The following LRRC8A variants were observed in gnomAD, a reference collection of about 807,000 sequenced individuals.
LRRC8A encodes the protein leucine rich repeat containing 8 VRAC subunit A, also known as volume-regulated anion channel subunit LRRC8A.
In LRRC8A, 24 loss-of-function variants were observed where a neutral mutation model predicts 52.5. The ratio of observed to expected loss-of-function variants is 0.46; its 90% CI spans 0.33 to 0.64. LRRC8A has a LOEUF of 0.64. Among genes scored for constraint, LRRC8A ranks in the 30% least tolerant of loss-of-function variants. The pLI is 0.02. For missense variants in LRRC8A, 677 were observed against 1,094.7 expected, an observed-to-expected ratio of 0.62 and a Z score of 5.38; for synonymous variants, 492 against 494.2, an observed-to-expected ratio of 1.00 and a Z score of 0.06.
rs553814958 is a variant in LRRC8A, at chr9:128,899,555, TA to T, written c.-8-7592del. Among the ~76,000 whole-genome samples the T allele has an allele frequency of 1.4e-3, 206 of 144,924 alleles. No individual in the cohort carries two copies. The highest frequency in any genetic ancestry group is 4.8e-3 in the African/African-American group (191 of 39,508). ...TTCCGTGGTTATAAAATGGACACCT[TA>T]AAAAAAAAAGCCTTAACAAAAGGAC... On this transcript the variant is annotated intron_variant, in intron 2 of 3. Transcript: ENST00000372600. The surrounding 1 kb of genome is among the most constrained non-coding windows in gnomAD (Gnocchi z 4.0).
At chr9:128,903,371 T>TG in intron 2 of LRRC8A, among the ~76,000 whole-genome samples, 1 of 151,654 alleles carries the variant, frequency 6.6e-6, no homozygotes, top group South Asian at 2.1e-4. Context: ...CTAGAAAGAT[T>TG]GGGGCTGGGG....
chr9:128,917,719 C>T lies in LRRC8A; in HGVS notation c.*1348C>T, dbSNP rs1402541173. 6.5e-6 allele frequency: 1 copy of T among 152,742 alleles called. No homozygotes were observed. Among genetic ancestry groups the T allele is most frequent in the Non-Finnish European group, 1.5e-5 (1 of 68,088 alleles). The allele number at this position is 152,742 out of a possible 1,614,324, so 9.5% of individuals were successfully genotyped here. On this transcript the variant is annotated 3_prime_UTR_variant, in exon 4 of 4. Coordinates refer to ENST00000372600, the MANE Select transcript of LRRC8A (RefSeq NM_019594.4). ...GTTGGTTCCAAGCCGGTTCCCGTCC[C>T]TGGCGCCTGGAGTGCACACAGCCCA... is the stretch of plus-strand genomic sequence containing the variant.
At chr9:128,893,670 T>C (rs1428824273) in intron 2 of LRRC8A, among the ~76,000 whole-genome samples, 1 of 152,060 alleles carries the variant, frequency 6.6e-6, no homozygotes, top group Non-Finnish European at 1.5e-5. Flanking sequence ...ATAAATTCTT[T>C]TATCATCCTG....
intron 1 of LRRC8A, chr9:128,882,762 G>A (rs994965372): frequency 5.0e-6 from 2 of 398,860 alleles, no homozygotes; most frequent in Non-Finnish European, 8.8e-6. Context: ...AGGATCCCCG[G>A]CTAGGCTCTT....
At position 128,882,403 on chromosome 9, in the gene LRRC8A, C is replaced by T. The variant is rs180935939; in HGVS notation, c.-116+153C>T. The T allele has an allele frequency of 3.4e-4, 95 of 280,094 alleles. 2 individuals are homozygous for T. The East Asian group carries it at 5.3e-3, about 16-fold the overall frequency. The allele number at this position is 280,094 out of a possible 1,614,324, so 17.4% of individuals were successfully genotyped here. A position where few individuals can be genotyped will look rare whatever the true frequency, so the allele number is the denominator to read the frequency against. ...CTGGGGACCTCCCGCGGTGTTCGGC[C>T]TACCTCTGGGCTCCCCAGTGCCCGG... On this transcript the variant is annotated intron_variant, in intron 1 of 3. Coordinates refer to ENST00000372600, the MANE Select transcript of LRRC8A (RefSeq NM_019594.4).
intron 2 of LRRC8A, among the ~76,000 whole-genome samples, chr9:128,897,923 T>C (rs1476851001): frequency 6.7e-6 from 1 of 149,260 alleles, no homozygotes; most frequent in Non-Finnish European, 1.5e-5. Flanking sequence ...CTCGCGACAT[T>C]GCACTCCAGC....
rs1840070892 is a variant in LRRC8A at position 128,902,625 on chromosome 9, C to T, written c.-8-4532C>T. On this transcript the variant is annotated intron_variant, in intron 2 of 3. Transcript: ENST00000372600. The surrounding 1 kb of genome is among the most constrained non-coding windows in gnomAD (Gnocchi z 4.1). Reference sequence around the variant, plus strand: ...GGCAGGCTGCTGCATGCACCGGGCTCCTCTCCTCCCTCTTCTGTTCCCCAG... The same window carrying T: ...GGCAGGCTGCTGCATGCACCGGGCTTCTCTCCTCCCTCTTCTGTTCCCCAG... 6.6e-6 allele frequency among the ~76,000 whole-genome samples: 1 copy of T among 152,210 alleles called. No homozygotes were observed. The highest frequency in any genetic ancestry group is 2.1e-4 in the South Asian group (1 of 4,820).
At chr9:128,896,545 A>G (rs1839831478) in intron 2 of LRRC8A, among the ~76,000 whole-genome samples, 1 of 152,162 alleles carries the variant, frequency 6.6e-6, no homozygotes, top group Non-Finnish European at 1.5e-5. Flanking sequence ...TTTAATTTAC[A>G]TTCCTTGATT....
intron 2 of LRRC8A, among the ~76,000 whole-genome samples, chr9:128,900,716 T>G (rs1220036931): frequency 3.9e-5 from 6 of 151,976 alleles, no homozygotes; most frequent in African/African-American, 1.2e-4. Context: ...AAAATAAAAA[T>G]AAAAATAAAA....
intron 2 of LRRC8A, among the ~76,000 whole-genome samples, chr9:128,894,191 T>C (rs1297919943): frequency 1.3e-5 from 2 of 151,848 alleles, no homozygotes; most frequent in Non-Finnish European, 2.9e-5. Flanking sequence ...ATCATTCTTG[T>C]TTTAAAAAAT....
In LRRC8A at chr9:128,908,038, G is replaced by T; in HGVS notation, c.874G>T (p.Asp292Tyr). ...CTACTACGTGCACAACATCAAGTTC[G>T]ACGTGGACTGCACCGTGGACATTGA... is the stretch of plus-strand genomic sequence containing the variant. ...TVYYVHNIKF[D>Y]VDCTVDIESL... Residue 292 changes from aspartate (D) to tyrosine (Y), a missense_variant, in exon 3 of 4, where the codon GAC becomes TAC. This residue lies in a region of LRRC8A where 422 missense variants were observed against 741.5 expected (regional missense o/e 0.57). Coordinates refer to ENST00000372600, the MANE Select transcript of LRRC8A (RefSeq NM_019594.4). The T allele has an allele frequency of 6.2e-7, 1 of 1,613,996 alleles. No individual in the cohort carries two copies. The highest frequency in any genetic ancestry group is 1.1e-5 in the South Asian group (1 of 91,070).
chr9:128,890,297 C>G (rs1421887449), intron 2 of LRRC8A, among the ~76,000 whole-genome samples: 1 of 152,072 alleles, frequency 6.6e-6, no homozygotes, highest in East Asian at 1.9e-4. Flanking sequence ...TTGCGTCTTG[C>G]GTCTTGCAGC....
At position 128,907,120 on chromosome 9, in the gene LRRC8A, A is replaced by G; in HGVS notation, c.-8-37A>G. Reference sequence around the variant, plus strand: ...CCCCTGGTCCTAGGAAAGCCAGGCCACCCTGTGCTAACCCCCCTCCTATGG... The same window carrying G: ...CCCCTGGTCCTAGGAAAGCCAGGCCGCCCTGTGCTAACCCCCCTCCTATGG... On this transcript the variant is annotated intron_variant, in intron 2 of 3. Transcript: ENST00000372600. This position sits in a 1 kb window ranked among gnomAD's most constrained non-coding sequence, Gnocchi z 9.3. The G allele has an allele frequency of 1.3e-6, 2 of 1,534,618 alleles. No homozygotes were observed. The highest frequency in any genetic ancestry group is 1.8e-6 in the Non-Finnish European group (2 of 1,124,348).
intron 3 of LRRC8A, among the ~76,000 whole-genome samples, chr9:128,913,462 G>A (rs949144412): frequency 7.9e-5 from 12 of 152,314 alleles, no homozygotes; most frequent in Admixed American, 2.0e-4. Context: ...GGCACGGGCC[G>A]GCGACAATCC....
chr9:128,887,195 GTTGC>G (rs1482657328), intron 2 of LRRC8A, among the ~76,000 whole-genome samples: 1 of 151,926 alleles, frequency 6.6e-6, no homozygotes, highest in Non-Finnish European at 1.5e-5. Flanking sequence ...GTCTCACTCT[GTTGC>G]CCAGGCTGGA....
At chr9:128,891,617 A>G (rs1307054280) in intron 2 of LRRC8A, among the ~76,000 whole-genome samples, 3 of 152,192 alleles carry the variant, frequency 2.0e-5, no homozygotes, top group Non-Finnish European at 4.4e-5. Context: ...CCCAGACCCA[A>G]CACTGCCTTC....
chr9:128,909,299 A>G lies in LRRC8A; in HGVS notation c.2135A>G (p.Asn712Ser). 6.2e-7 allele frequency: 1 copy of G among 1,613,368 alleles called. No individual in the cohort carries two copies. Among genetic ancestry groups the G allele is most frequent in the Non-Finnish European group, 8.5e-7 (1 of 1,179,968 alleles). The change falls in exon 3 of 4, where the codon AAC (asparagine) becomes AGC (serine). Residue 712 changes from asparagine (N) to serine (S), a missense_variant. By Grantham distance (46) the Asn-to-Ser change is conservative. Coordinates refer to ENST00000372600, the MANE Select transcript of LRRC8A (RefSeq NM_019594.4). ...ADIGLLQNLQNLAITANRIET... is the reference protein window; with the variant it reads ...ADIGLLQNLQSLAITANRIET... Reference sequence around the variant, plus strand: ...ATCGGCCTCCTGCAGAACCTCCAGAACCTAGCCATCACGGCCAACCGGGTG... The same window carrying G: ...ATCGGCCTCCTGCAGAACCTCCAGAGCCTAGCCATCACGGCCAACCGGGTG...
chr9:128,896,307 T>C (rs996345072), intron 2 of LRRC8A, among the ~76,000 whole-genome samples: 2 of 152,252 alleles, frequency 1.3e-5, no homozygotes, highest in African/African-American at 4.8e-5. Flanking sequence ...GAACAACGTA[T>C]CCTTTCTCCT....
rs1222984408 is a variant in LRRC8A at position 128,909,039 on chromosome 9, C to T, written c.1875C>T (p.Asn625=). Reference sequence around the variant, plus strand: ...AGGAGATTGACCTCAAGGACAACAACCTCAAGACCATCGAGGAGATCATCA... The same window carrying T: ...AGGAGATTGACCTCAAGGACAACAATCTCAAGACCATCGAGGAGATCATCA... ...NLQEIDLKDN[N]LKTIEEIISF... The change falls in exon 3 of 4, where the codon AAC becomes AAT. Residue 625 remains asparagine, a synonymous_variant. Coordinates refer to ENST00000372600, the MANE Select transcript of LRRC8A (RefSeq NM_019594.4). 2 of 1,614,174 alleles carry T rather than the reference C, an allele frequency of 1.2e-6. No individual in the cohort carries two copies. Among genetic ancestry groups the T allele is most frequent in the Admixed American group, 3.3e-5 (2 of 60,032 alleles).
Sources: allele counts gnomAD v4.1 joint callset (sites outside exome capture counted in the v4.1 genomes callset), GRCh38; gene constraint gnomAD v4.1.1; regional missense constraint gnomAD v4.1.1; non-coding constraint Gnocchi (gnomAD v3.1); transcripts MANE v1.5; gene names NCBI Gene and HGNC (gene_info 2026-07-23, HGNC 2026-07-21).